Variants in DPH6 observed in about 807,000 individuals in gnomAD.
DPH6 encodes the protein diphthamine biosynthesis 6, also known as diphthine--ammonia ligase.
Under a neutral mutation model 38.2 loss-of-function variants are expected in DPH6, and 33 were observed. The ratio of observed to expected loss-of-function variants is 0.86; its 90% CI spans 0.65 to 1.15. The LOEUF is 1.15. Among genes scored for constraint, DPH6 ranks in the 50% most tolerant of loss-of-function variants. The pLI is 0.00. For missense variants in DPH6, 325 were observed against 320.0 expected (o/e 1.02, Z -0.12); for synonymous variants, 108 against 103.0 (o/e 1.05, Z -0.30).
At chr15:35,422,520 C>G (rs1226465220) in intron 5 of DPH6, among the ~76,000 whole-genome samples, 1 of 151,964 alleles carries the variant, frequency 6.6e-6, no homozygotes, top group Non-Finnish European at 1.5e-5. Context: ...TCACCACAAT[C>G]AAGCAAATTA....
At chr15:35,489,390 A>C in intron 3 of DPH6, 1 of 985,370 alleles carries the variant, frequency 1.0e-6, no homozygotes, top group African/African-American at 1.7e-5. Flanking sequence ...TCTGTCCTTG[A>C]AACTTTTTGA....
At chr15:35,531,329 T>C (rs1054997039) in intron 3 of DPH6, among the ~76,000 whole-genome samples, 10 of 152,356 alleles carry the variant, frequency 6.6e-5, no homozygotes, top group Admixed American at 6.5e-4. Context: ...GTTACACTGA[T>C]AGGATGCCTT....
At chr15:35,274,340 G>T (rs550786099) in intron 3 of DPH6, among the ~76,000 whole-genome samples, 1 of 151,852 alleles carries the variant, frequency 6.6e-6, no homozygotes, top group Admixed American at 6.6e-5. Flanking sequence ...ACATAGGCAC[G>T]GGCAAAGACT....
At chr15:35,442,496 T>C (rs2053801250) in intron 5 of DPH6, among the ~76,000 whole-genome samples, 1 of 152,054 alleles carries the variant, frequency 6.6e-6, no homozygotes, top group Non-Finnish European at 1.5e-5. Context: ...CATAGAATTA[T>C]CATATGACAC....
At chr15:35,181,837 A>G in the DPH6 span, 1 of 152,250 alleles carries the variant, frequency 6.6e-6, no homozygotes, top group Non-Finnish European at 1.5e-5. Flanking sequence ...AAGGAGAATT[A>G]TCATGAGACC....
chr15:35,314,286 GTTTT>G (rs1566867033), intron 3 of DPH6, among the ~76,000 whole-genome samples: 1 of 151,884 alleles, frequency 6.6e-6, no homozygotes, highest in Non-Finnish European at 1.5e-5. Context: ...ATTGGAATAC[GTTTT>G]TAAATACATG....
intron 5 of DPH6, among the ~76,000 whole-genome samples, chr15:35,425,417 C>A (rs2053556732): frequency 6.6e-6 from 1 of 151,490 alleles, no homozygotes; most frequent in Non-Finnish European, 1.5e-5. Flanking sequence ...TGTTTTACTA[C>A]AGAGGGTTAA....
exon 4 of DPH6, chr15:35,217,921 T>A (rs561297851): frequency 6.6e-6 from 1 of 152,340 alleles, no homozygotes; most frequent in South Asian, 2.1e-4. Flanking sequence ...TCCCTGTATG[T>A]TTTAAGTCAT....
chr15:35,320,376 G>A (rs772625013), intron 3 of DPH6, among the ~76,000 whole-genome samples: 1 of 152,122 alleles, frequency 6.6e-6, no homozygotes, highest in Non-Finnish European at 1.5e-5. Context: ...TATATGGTTG[G>A]ATATCTTTTG....
At chr15:35,239,348 A>G (rs948669136) in intron 3 of DPH6, among the ~76,000 whole-genome samples, 4 of 143,754 alleles carry the variant, frequency 2.8e-5, no homozygotes, top group Non-Finnish European at 6.1e-5. Context: ...GAGACAAAAG[A>G]GACACGTTTT....
chr15:35,312,699 C>T (rs1438411858), intron 3 of DPH6, among the ~76,000 whole-genome samples: 1 of 152,158 alleles, frequency 6.6e-6, no homozygotes, highest in South Asian at 2.1e-4. Context: ...AAATTATTTG[C>T]TAAAATTAAA....
intron 3 of DPH6, among the ~76,000 whole-genome samples, chr15:35,509,044 G>A (rs2054732787): frequency 6.6e-6 from 1 of 152,120 alleles, no homozygotes. Flanking sequence ...TTTATGAAGA[G>A]CTTGCTACAC....
chr15:35,411,808 A>G (rs1045217245), intron 5 of DPH6, among the ~76,000 whole-genome samples: 1 of 151,788 alleles, frequency 6.6e-6, no homozygotes, highest in Non-Finnish European at 1.5e-5. Flanking sequence ...CTGGATATCC[A>G]CATGCAAAAA....
the DPH6 span, among the ~76,000 whole-genome samples, chr15:35,165,552 T>C: frequency 1.3e-5 from 2 of 151,916 alleles, no homozygotes; most frequent in Non-Finnish European, 1.5e-5. Context: ...TTCAGTCCTA[T>C]ATAAATATAC....
At chr15:35,182,291 CTAGAG>C in the DPH6 span, among the ~76,000 whole-genome samples, 2 of 118,278 alleles carry the variant, frequency 1.7e-5, no homozygotes, top group Admixed American at 1.2e-4. Context: ...AAATGCTATA[CTAGAG>C]TAAACTGCTT....
chr15:35,366,100 T>C (rs535198494), downstream of DPH6: 106 of 868,590 alleles, frequency 1.2e-4, no homozygotes, highest in South Asian at 4.9e-3. Context: ...GTAGGTTGTA[T>C]AGAGGCAGTG....
intron 3 of DPH6, among the ~76,000 whole-genome samples, chr15:35,225,004 A>C (rs1183661711): frequency 1.3e-5 from 2 of 152,190 alleles, no homozygotes; most frequent in African/African-American, 4.8e-5. Flanking sequence ...TATTTCTATT[A>C]ATGTCTCCCT....
In DPH6 at chr15:35,387,757, T is replaced by C. The variant is rs1342497321; in HGVS notation, c.568-5841A>G. On this transcript the variant is annotated intron_variant, in intron 6 of 8. Transcript: ENST00000256538. Reference sequence around the variant, plus strand: ...GAGATTTTGGGCTGAGACGATGGGGTTTTCTAGATATACAATCATGTCATC... The same window carrying C: ...GAGATTTTGGGCTGAGACGATGGGGCTTTCTAGATATACAATCATGTCATC... Among the ~76,000 whole-genome samples, 6 of 152,158 alleles carry C rather than the reference T, an allele frequency of 3.9e-5. No homozygotes were observed. The East Asian group carries it at 1.2e-3, about 29-fold the overall frequency.
chr15:35,400,535 CA>C (rs2053203205), intron 6 of DPH6, among the ~76,000 whole-genome samples: 1 of 152,112 alleles, frequency 6.6e-6, no homozygotes, highest in Admixed American at 6.6e-5. Flanking sequence ...AGGTAAATAT[CA>C]AAAACAACAT....
Sources: gnomAD v4.1 joint callset for allele counts (sites outside exome capture counted in the v4.1 genomes callset) on GRCh38, gnomAD v4.1.1 for gene constraint, MANE v1.5 for transcripts, NCBI Gene and HGNC (gene_info 2026-07-23, HGNC 2026-07-21) for gene names.